The following RIC1 variants were observed in gnomAD, a reference collection of about 807,000 sequenced individuals.
RIC1 encodes the protein RIC1 partner of RAB6A GEF complex.
Under a neutral mutation model 169.0 loss-of-function variants are expected in RIC1, and 88 were observed. That is an observed-to-expected ratio of 0.52 (90% CI 0.44 to 0.62). RIC1 has a LOEUF of 0.62. Ranked by LOEUF, RIC1 falls within the 20% of genes least tolerant of loss-of-function variation. RIC1 has a pLI of 0.00. For missense variants in RIC1, 1,877 were observed against 1,725.5 expected (o/e 1.09, Z -1.56); for synonymous variants, 790 against 601.5 (o/e 1.31, Z -4.59).
intron 1 of RIC1, among the ~76,000 whole-genome samples, chr9:5,635,664 C>T (rs775937062): frequency 1.3e-5 from 2 of 152,314 alleles, no homozygotes; most frequent in South Asian, 2.1e-4. Flanking sequence ...TCGTAATCCT[C>T]ATAATCCCCA....
Position 5,738,550 on chromosome 9 carries a change from T to C in RIC1, c.901+12T>C, listed in dbSNP as rs1419994587. The C allele has an allele frequency of 2.1e-6, 3 of 1,457,964 alleles. No homozygotes were observed. The highest frequency in any genetic ancestry group is 1.3e-5 in the South Asian group (1 of 77,878). The allele number at this position is 1,457,964 out of a possible 1,614,324, so 90.3% of individuals were successfully genotyped here. On this transcript the variant is annotated intron_variant, in intron 8 of 25. Coordinates refer to ENST00000414202, the MANE Select transcript of RIC1 (RefSeq NM_020829.4). The stretch of plus-strand genomic sequence containing the variant: ...AAAACAGTATCCTGGTGAGTCTTTT[T>C]TTTTTTTTTTTTTTTTAACATTTTT...
At chr9:5,685,140 T>A (rs1295705337) in intron 2 of RIC1, among the ~76,000 whole-genome samples, 1 of 151,460 alleles carries the variant, frequency 6.6e-6, no homozygotes, top group Non-Finnish European at 1.5e-5. Flanking sequence ...TACAAACAAA[T>A]GGAAGAACAT....
chr9:5,727,389 A>G (rs186285912), intron 6 of RIC1, among the ~76,000 whole-genome samples: 95 of 152,350 alleles, frequency 6.2e-4, no homozygotes, highest in Admixed American at 5.2e-3. Flanking sequence ...CAGCTCCATC[A>G]CGTCATTTTA....
chr9:5,655,938 C>T (rs1435501217), intron 1 of RIC1, among the ~76,000 whole-genome samples: 2 of 152,012 alleles, frequency 1.3e-5, no homozygotes, highest in African/African-American at 4.8e-5. Context: ...GTTGTGATCT[C>T]GGCTCACTGC....
intron 1 of RIC1, among the ~76,000 whole-genome samples, chr9:5,629,991 C>T (rs1817640929): frequency 6.6e-6 from 1 of 152,206 alleles, no homozygotes; most frequent in Non-Finnish European, 1.5e-5. Context: ...TTATTTAACT[C>T]CCCTCTTTAA....
intron 2 of RIC1, among the ~76,000 whole-genome samples, chr9:5,666,845 T>G (rs1469706313): frequency 2.0e-5 from 3 of 152,218 alleles, no homozygotes. Context: ...ATTGTATGTT[T>G]TTAGAACTTT....
At chr9:5,739,465 T>C (rs1206330638) in intron 8 of RIC1, among the ~76,000 whole-genome samples, 1 of 152,140 alleles carries the variant, frequency 6.6e-6, no homozygotes, top group Admixed American at 6.6e-5. Context: ...TTTCTATTTA[T>C]GTAAATTAGA....
chr9:5,631,478 G>A (rs1817712175), intron 1 of RIC1, among the ~76,000 whole-genome samples: 1 of 152,068 alleles, frequency 6.6e-6, no homozygotes, highest in Non-Finnish European at 1.5e-5. Context: ...ACGAGGTCAA[G>A]AGATCGAGAC....
intron 2 of RIC1, among the ~76,000 whole-genome samples, chr9:5,663,715 T>C (rs971996810): frequency 3.3e-5 from 5 of 152,176 alleles, no homozygotes; most frequent in African/African-American, 1.2e-4. Flanking sequence ...GCACATGATA[T>C]GGGTCTTTTG....
Position 5,745,968 on chromosome 9 carries a change from G to C in RIC1, c.1133G>C (p.Ser378Thr), listed in dbSNP as rs1825352957. The change falls in exon 11 of 26, where the codon AGC becomes ACC. Residue 378 changes from serine to threonine, a missense_variant. Ser to Thr is a moderately conservative substitution (Grantham distance 58). This residue lies in a region of RIC1 where 1,104 missense variants were observed against 992.0 expected (regional missense o/e 1.11). Coordinates refer to ENST00000414202, the MANE Select transcript of RIC1 (RefSeq NM_020829.4). ...GAAGGCTATCACCTATGGGTAATCA[G>C]CGGATTTGGTTCTCAAAACACTGAA... The part of the protein sequence containing the change: ...GAEGYHLWVI[S>T]GFGSQNTEIE... 6 of 1,613,670 alleles carry C rather than the reference G, an allele frequency of 3.7e-6. No homozygotes were observed. Among genetic ancestry groups the C allele is most frequent in the Non-Finnish European group, 5.1e-6 (6 of 1,179,686 alleles).
At chr9:5,656,154 G>A (rs986859241) in intron 1 of RIC1, among the ~76,000 whole-genome samples, 1 of 152,184 alleles carries the variant, frequency 6.6e-6, no homozygotes, top group African/African-American at 2.4e-5. Flanking sequence ...ACAGGCATGA[G>A]CCACCGCGCC....
chr9:5,662,255 T>G (rs1244850471), intron 2 of RIC1, among the ~76,000 whole-genome samples: 2 of 152,202 alleles, frequency 1.3e-5, no homozygotes, highest in African/African-American at 2.4e-5. Flanking sequence ...AATTTTTGCA[T>G]TGATGTTCAT....
chr9:5,749,794 T>G (rs1825613381), intron 12 of RIC1, among the ~76,000 whole-genome samples: 1 of 105,858 alleles, frequency 9.4e-6, no homozygotes, highest in Non-Finnish European at 1.9e-5. Context: ...TTTTTTTTTT[T>G]GAGATTGAAT....
chr9:5,727,848 C>T (rs191698592), intron 6 of RIC1, among the ~76,000 whole-genome samples: 1 of 152,332 alleles, frequency 6.6e-6, no homozygotes, highest in Non-Finnish European at 1.5e-5. Context: ...GCGGAGGCTG[C>T]AGAACAGCAC....
chr9:5,713,327 T>C (rs1179428198), intron 3 of RIC1: 1 of 152,366 alleles, frequency 6.6e-6, no homozygotes, highest in East Asian at 1.9e-4. Context: ...GACCCAGCAC[T>C]CTACTGCAGC....
At position 5,631,307 on chromosome 9, in the gene RIC1, T is replaced by C. The variant is rs145992004; in HGVS notation, c.144+1854T>C. Among the ~76,000 whole-genome samples, 44 of 152,262 alleles carry C rather than the reference T, an allele frequency of 2.9e-4. No individual in the cohort carries two copies. The South Asian group carries it at 2.9e-3, about 10-fold the overall frequency. On this transcript the variant is annotated intron_variant, in intron 1 of 25. Transcript: ENST00000414202. Reference sequence around the variant, plus strand: ...CAGGGACCCCTACTATTAAGTTCTGTTGTGCAAAAGTTAGGCTGTAGGGAA... The same window carrying C: ...CAGGGACCCCTACTATTAAGTTCTGCTGTGCAAAAGTTAGGCTGTAGGGAA...
intron 21 of RIC1, among the ~76,000 whole-genome samples, chr9:5,766,486 A>T (rs113726363): frequency 0.067 from 10,137 of 152,042 alleles, 1,143 homozygotes; most frequent in African/African-American, 0.23. Flanking sequence ...GTTGTCTTTT[A>T]TCCCTCACCC....
chr9:5,694,764 T>C (rs948329973), intron 3 of RIC1, among the ~76,000 whole-genome samples: 1 of 149,246 alleles, frequency 6.7e-6, no homozygotes, highest in African/African-American at 2.4e-5. Context: ...TGTGTGATAA[T>C]ATAAACGATA....
At chr9:5,642,566 A>C (rs1031128308) in intron 1 of RIC1, among the ~76,000 whole-genome samples, 1 of 144,620 alleles carries the variant, frequency 6.9e-6, no homozygotes, top group African/African-American at 2.8e-5. Flanking sequence ...AATTTGTTTG[A>C]TATTCTGTTC....
Sources: allele counts gnomAD v4.1 joint callset (sites outside exome capture counted in the v4.1 genomes callset), GRCh38; gene constraint gnomAD v4.1.1; regional missense constraint gnomAD v4.1.1; transcripts MANE v1.5; gene names NCBI Gene and HGNC (gene_info 2026-07-23, HGNC 2026-07-21).